SMYD3: variants seen among roughly 807,000 people sequenced by gnomAD.
The protein encoded by SMYD3 is histone-lysine N-methyltransferase SMYD3.
SMYD3 carries 36 observed loss-of-function variants against 57.7 expected under a neutral mutation model. The observed-to-expected ratio is 0.62, with a 90% CI of 0.48 to 0.82. The LOEUF is 0.82. Among genes scored for constraint, SMYD3 ranks in the 40% least tolerant of loss-of-function variants. The pLI is 0.00. For missense variants in SMYD3, 515 were observed against 538.8 expected, an observed-to-expected ratio of 0.96 and a Z score of 0.44; for synonymous variants, 211 against 195.0, an observed-to-expected ratio of 1.08 and a Z score of -0.68.
At chr1:246,316,957 T>G (rs1232554818) in intron 5 of SMYD3, among the ~76,000 whole-genome samples, 1 of 150,906 alleles carries the variant, frequency 6.6e-6, no homozygotes, top group Non-Finnish European at 1.5e-5. Flanking sequence ...ATCACGCCAC[T>G]ACACTCCAGC....
intron 1 of SMYD3, among the ~76,000 whole-genome samples, chr1:246,439,104 TC>T (rs1165353275): frequency 6.0e-5 from 2 of 33,488 alleles, no homozygotes; most frequent in Admixed American, 3.8e-4. Context: ...ATTGTTATTT[TC>T]GGGGGGGGGG....
chr1:246,131,818 A>G (rs905487377), intron 5 of SMYD3, among the ~76,000 whole-genome samples: 2 of 152,208 alleles, frequency 1.3e-5, no homozygotes, highest in African/African-American at 4.8e-5. Flanking sequence ...CCAATTAAAG[A>G]CAGAACATTT....
At chr1:246,285,156 T>C (rs1443902027) in intron 5 of SMYD3, among the ~76,000 whole-genome samples, 1 of 152,130 alleles carries the variant, frequency 6.6e-6, no homozygotes, top group African/African-American at 2.4e-5. Flanking sequence ...CATTGTATTA[T>C]TCTTATGCCT....
intron 5 of SMYD3, among the ~76,000 whole-genome samples, chr1:246,061,911 T>C (rs576148890): frequency 1.4e-4 from 21 of 152,198 alleles, no homozygotes; most frequent in African/African-American, 2.4e-4. Context: ...AAACCAAAGA[T>C]TGAATTCTTA....
In SMYD3 at chr1:245,976,951, CTAG is replaced by C. The variant is rs2058448781; in HGVS notation, c.532-47017_532-47015del. On this transcript the variant is annotated intron_variant, in intron 5 of 11. Transcript: ENST00000490107. ...TCTAGCCTAGGGAAAGCCATCGTCT[CTAG>C]CCTAGGGAAAGCCATCGTCTCCGGC... is the stretch of plus-strand genomic sequence containing the variant. Among the ~76,000 whole-genome samples the C allele has an allele frequency of 1.7e-4, 8 of 46,376 alleles. 1 individual carries two copies. The highest frequency in any genetic ancestry group is 5.2e-4 in the African/African-American group (7 of 13,384). The allele number at this position is 46,376 out of a possible 152,430, so 30.4% of individuals were successfully genotyped here. A position where few individuals can be genotyped will look rare whatever the true frequency, so the allele number is the denominator to read the frequency against.
chr1:246,261,044 TGTTG>T (rs796577091), intron 5 of SMYD3, among the ~76,000 whole-genome samples: 18 of 150,880 alleles, frequency 1.2e-4, no homozygotes, highest in African/African-American at 4.2e-4. Context: ...TTCTGGGTTT[TGTTG>T]TTGTTGTTGT....
At chr1:246,214,523 A>C (rs953185049) in intron 5 of SMYD3, among the ~76,000 whole-genome samples, 1 of 152,218 alleles carries the variant, frequency 6.6e-6, no homozygotes, top group Non-Finnish European at 1.5e-5. Context: ...AAATATATGA[A>C]GGAATTGTTT....
At chr1:246,449,579 C>T (rs957459580) in intron 1 of SMYD3, among the ~76,000 whole-genome samples, 22 of 152,094 alleles carry the variant, frequency 1.4e-4, no homozygotes, top group African/African-American at 5.3e-4. Context: ...AACGTGAGAC[C>T]TGTGTTTGGA....
intron 9 of SMYD3, among the ~76,000 whole-genome samples, 199 bp from the exon 10 acceptor site, chr1:245,858,869 C>T (rs1280083710): frequency 6.6e-6 from 1 of 152,158 alleles, no homozygotes; most frequent in Non-Finnish European, 1.5e-5. Flanking sequence ...ATTCTGTTTA[C>T]ATCAACAAAC....
intron 5 of SMYD3, among the ~76,000 whole-genome samples, chr1:246,279,437 C>T (rs762670106): frequency 1.3e-5 from 2 of 152,188 alleles, no homozygotes; most frequent in African/African-American, 2.4e-5. Context: ...AGGAGAATCA[C>T]TTGAACCCGG....
In SMYD3 at chr1:245,958,030, G is replaced by C. The variant is rs187730410; in HGVS notation, c.532-28093C>G. Among the ~76,000 whole-genome samples the C allele has an allele frequency of 3.1e-3, 466 of 151,300 alleles. 3 individuals carry two copies. Among genetic ancestry groups the C allele is most frequent in the Non-Finnish European group, 5.3e-3 (357 of 67,984 alleles). On this transcript the variant is annotated intron_variant, in intron 5 of 11. Coordinates refer to ENST00000490107, the MANE Select transcript of SMYD3 (RefSeq NM_001167740.2). ...TCAGAGACTTTGAGAAAAAAAAAGC[G>C]GGGGGGAGAAACAAGCGGGTTTTCT...
chr1:246,055,617 A>G (rs1572953317), intron 5 of SMYD3, among the ~76,000 whole-genome samples: 2 of 152,236 alleles, frequency 1.3e-5, no homozygotes, highest in Non-Finnish European at 2.9e-5. Flanking sequence ...ATGCATCAAC[A>G]GATGAATGGA....
chr1:246,493,564 A>T (rs1471104691), intron 1 of SMYD3, among the ~76,000 whole-genome samples: 2 of 152,190 alleles, frequency 1.3e-5, no homozygotes, highest in African/African-American at 2.4e-5. Context: ...TTTTTCTCTT[A>T]AGCTTGATCC....
chr1:245,837,342 C>T (rs973964941), intron 10 of SMYD3, among the ~76,000 whole-genome samples: 4 of 151,992 alleles, frequency 2.6e-5, no homozygotes, highest in South Asian at 4.2e-4. Context: ...TAGTGCAGGG[C>T]ATCCTCCCTG....
At chr1:246,313,071 C>G (rs1043806185) in intron 5 of SMYD3, among the ~76,000 whole-genome samples, 1 of 151,814 alleles carries the variant, frequency 6.6e-6, no homozygotes, top group East Asian at 1.9e-4. Flanking sequence ...TGAGCCACCA[C>G]AATTTTTGTA....
chr1:246,499,312 A>T (rs1352553744), intron 1 of SMYD3, among the ~76,000 whole-genome samples: 2 of 151,918 alleles, frequency 1.3e-5, no homozygotes, highest in Admixed American at 1.3e-4. Context: ...TCAAAAAAAG[A>T]AAATATAGTT....
intron 1 of SMYD3, chr1:246,426,127 T>C (rs1309675011): frequency 6.6e-6 from 1 of 152,224 alleles, no homozygotes; most frequent in Admixed American, 6.5e-5. Context: ...GCCTTCCTTA[T>C]ACCTTCTAAC....
intron 5 of SMYD3, among the ~76,000 whole-genome samples, chr1:246,155,588 T>C (rs2062009665): frequency 6.6e-6 from 1 of 152,234 alleles, no homozygotes; most frequent in African/African-American, 2.4e-5. Context: ...ATTCACTTAT[T>C]GGTTCATCTT....
intron 11 of SMYD3, among the ~76,000 whole-genome samples, chr1:245,758,225 GT>G (rs2045691662): frequency 6.6e-6 from 1 of 151,992 alleles, no homozygotes. Context: ...ACTGATTTTT[GT>G]GTGTTGATCT....
Sources: gnomAD v4.1 joint callset for allele counts (sites outside exome capture counted in the v4.1 genomes callset) on GRCh38, gnomAD v4.1.1 for gene constraint, MANE v1.5 for transcripts, NCBI Gene and HGNC (gene_info 2026-07-23, HGNC 2026-07-21) for gene names.